The following WIPF1 variants were observed in gnomAD, a reference collection of about 807,000 sequenced individuals.
WIPF1 encodes the protein WAS/WASL interacting protein family member 1, also known as WAS/WASL-interacting protein family member 1.
Under a neutral mutation model 35.4 loss-of-function variants are expected in WIPF1, and 13 were observed. The observed-to-expected ratio is 0.37, with a 90% CI of 0.24 to 0.58. The LOEUF (loss-of-function observed/expected upper bound fraction) is 0.58, where lower values mean the gene tolerates loss of function less well. Among genes scored for constraint, WIPF1 ranks in the 20% least tolerant of loss-of-function variants. The pLI, the probability that WIPF1 is intolerant of heterozygous loss-of-function variation, is 0.74. For missense variants in WIPF1, 591 were observed against 667.0 expected, an observed-to-expected ratio of 0.89 and a Z score of 1.25; for synonymous variants, 267 against 266.3, an observed-to-expected ratio of 1.00 and a Z score of -0.02.
At chr2:174,625,236 C>T (rs1239634424) in intron 1 of WIPF1, among the ~76,000 whole-genome samples, 2 of 152,142 alleles carry the variant, frequency 1.3e-5, no homozygotes, top group Non-Finnish European at 2.9e-5. Flanking sequence ...ACCCGAGTAG[C>T]CTCACCACTG....
chr2:174,617,612 T>C (rs768828432), intron 1 of WIPF1, among the ~76,000 whole-genome samples: 21 of 152,218 alleles, frequency 1.4e-4, no homozygotes, highest in African/African-American at 4.8e-5. Context: ...TCTGATCACC[T>C]TGTGGACACA....
At chr2:174,651,032 TAA>T (rs1559172729) in intron 1 of WIPF1, among the ~76,000 whole-genome samples, 1 of 152,236 alleles carries the variant, frequency 6.6e-6, no homozygotes. Flanking sequence ...ATGGAAAGAA[TAA>T]AAAGTTTTCT....
intron 3 of WIPF1, among the ~76,000 whole-genome samples, chr2:174,580,174 C>T (rs1270063527): frequency 1.3e-5 from 2 of 152,230 alleles, no homozygotes; most frequent in African/African-American, 4.8e-5. Context: ...TGGTCTTGAA[C>T]TCCTGGCCTC....
At chr2:174,674,694 C>A (rs1688092468) in intron 1 of WIPF1, among the ~76,000 whole-genome samples, 1 of 150,990 alleles carries the variant, frequency 6.6e-6, no homozygotes, top group Admixed American at 6.6e-5. Flanking sequence ...ACAAGTGCTC[C>A]CTAAAGAAAA....
chr2:174,671,031 C>G (rs1364761673), intron 1 of WIPF1, among the ~76,000 whole-genome samples: 3 of 152,206 alleles, frequency 2.0e-5, no homozygotes, highest in African/African-American at 7.2e-5. Flanking sequence ...CTGGTTATAT[C>G]TGAAGTGCTC....
At chr2:174,621,097 T>C (rs1686659591) in intron 1 of WIPF1, among the ~76,000 whole-genome samples, 1 of 152,168 alleles carries the variant, frequency 6.6e-6, no homozygotes, top group African/African-American at 2.4e-5. Flanking sequence ...ACCAAGCTCA[T>C]TCTAATGGCA....
Position 174,560,478 on chromosome 2 carries a change from T to C in WIPF1, c.*2069A>G, listed in dbSNP as rs1684457261. 6.6e-6 allele frequency: 1 copy of C among 152,616 alleles called. No homozygotes were observed. The highest frequency in any genetic ancestry group is 1.9e-4 in the East Asian group (1 of 5,202). The allele number at this position is 152,616 out of a possible 1,614,324, so 9.5% of individuals were successfully genotyped here. On this transcript the variant is annotated 3_prime_UTR_variant, in exon 8 of 8. Coordinates refer to ENST00000679041, the MANE Select transcript of WIPF1 (RefSeq NM_001375834.1). ...TTCCATCTTTTGTGAAATGGGTCAT[T>C]AGGCTTTATCATAGGGATGTTTTTC...
At chr2:174,600,894 T>C (rs1171076286), upstream of WIPF1, among the ~76,000 whole-genome samples, 1 of 147,636 alleles carries the variant, frequency 6.8e-6, no homozygotes, top group Admixed American at 6.7e-5. Flanking sequence ...TTACGAATTC[T>C]ACTACAGCAT....
intron 3 of WIPF1, 180 bp from the exon 4 acceptor site, chr2:174,575,560 C>A: frequency 9.2e-7 from 1 of 1,083,360 alleles, no homozygotes; most frequent in East Asian, 2.7e-5. Flanking sequence ...CCGCTCCAGG[C>A]AGTCCCAAGC....
chr2:174,670,735 T>G (rs780636852), intron 1 of WIPF1, among the ~76,000 whole-genome samples: 1 of 152,234 alleles, frequency 6.6e-6, no homozygotes, highest in East Asian at 1.9e-4. Flanking sequence ...CAACTAGCCA[T>G]GGCCACAGTC....
intron 1 of WIPF1, among the ~76,000 whole-genome samples, chr2:174,617,079 C>T (rs1263313298): frequency 6.6e-6 from 1 of 152,014 alleles, no homozygotes; most frequent in African/African-American, 2.4e-5. Context: ...CAGTTCAGAA[C>T]ATTTAGGGCC....
chr2:174,667,180 C>G (rs907897398), intron 1 of WIPF1, among the ~76,000 whole-genome samples: 2 of 152,158 alleles, frequency 1.3e-5, no homozygotes, highest in African/African-American at 4.8e-5. Flanking sequence ...GAGCGAGGCC[C>G]GAAGGGAGGG....
chr2:174,567,873 A>G lies in WIPF1; in HGVS notation c.1330T>C (p.Ser444Pro). The change falls in exon 6 of 8, where the codon TCT becomes CCT. Residue 444 changes from serine to proline, a missense_variant. Around this residue, in one of 3 missense-constraint regions of WIPF1, gnomAD observed 117 missense variants for 149.6 expected, o/e 0.78. Transcript: ENST00000679041. ...STSIRNGFQD[S>P]PCEDEWESRF... ...GACCACACCTCACCTTCACATGGAGAGTCTTGGAAGCCATTTCTAATAGAT... is the reference window on the plus strand; with the variant it reads ...GACCACACCTCACCTTCACATGGAGGGTCTTGGAAGCCATTTCTAATAGAT... 6.3e-7 allele frequency: 1 copy of G among 1,588,376 alleles called. No individual in the cohort carries two copies. The highest frequency in any genetic ancestry group is 8.6e-7 in the Non-Finnish European group (1 of 1,165,612).
At chr2:174,635,529 G>GTTTTTTTTTTT (rs1197924942) in intron 1 of WIPF1, among the ~76,000 whole-genome samples, 4 of 115,620 alleles carry the variant, frequency 3.5e-5, no homozygotes, top group Admixed American at 1.0e-4. Context: ...CCTTCTGTTT[G>GTTTTTTTTTTT]TTTTTTTTTT....
chr2:174,565,915 G>A (rs372022950), intron 7 of WIPF1, among the ~76,000 whole-genome samples: 4 of 151,200 alleles, frequency 2.6e-5, no homozygotes, highest in East Asian at 3.8e-4. Context: ...ATGAAGTCTC[G>A]CTCTGTCGCC....
chr2:174,634,387 C>G (rs1159542703), intron 1 of WIPF1: 3 of 152,236 alleles, frequency 2.0e-5, no homozygotes, highest in Admixed American at 6.5e-5. Context: ...CAGCTGTGCG[C>G]TGGCTCTTAC....
At chr2:174,600,430 A>T (rs750338449), upstream of WIPF1, among the ~76,000 whole-genome samples, 2 of 152,188 alleles carry the variant, frequency 1.3e-5, no homozygotes, top group African/African-American at 2.4e-5. Flanking sequence ...GACCCACGAG[A>T]TCTGGCCCCT....
At chr2:174,621,639 G>C (rs1686678203) in intron 1 of WIPF1, among the ~76,000 whole-genome samples, 1 of 152,010 alleles carries the variant, frequency 6.6e-6, no homozygotes, top group Admixed American at 6.6e-5. Context: ...AAGTGATGTG[G>C]AAAACAGGTG....
intron 1 of WIPF1, among the ~76,000 whole-genome samples, chr2:174,666,666 G>A (rs1227070118): frequency 6.6e-6 from 1 of 152,246 alleles, no homozygotes; most frequent in African/African-American, 2.4e-5. Flanking sequence ...CCACTAAGAA[G>A]GAGAGCTGGA....
Sources: gnomAD v4.1 joint callset for allele counts (sites outside exome capture counted in the v4.1 genomes callset) on GRCh38, gnomAD v4.1.1 for gene constraint, gnomAD v4.1.1 regional missense constraint, MANE v1.5 for transcripts, NCBI Gene and HGNC (gene_info 2026-07-23, HGNC 2026-07-21) for gene names.